The following FHIP2A variants were observed in gnomAD, a reference collection of about 807,000 sequenced individuals.
FHIP2A encodes FHF complex subunit HOOK interacting protein 2A.
In FHIP2A, 46 loss-of-function variants were observed where a neutral mutation model predicts 93.5. That is an observed-to-expected ratio of 0.49 (90% CI 0.39 to 0.63). The LOEUF is 0.63. Among genes scored for constraint, FHIP2A ranks in the 20% least tolerant of loss-of-function variants. FHIP2A has a pLI of 0.00. For synonymous variants in FHIP2A, 332 were observed against 326.5 expected, an observed-to-expected ratio of 1.02 and a Z score of -0.18; for missense variants, 769 against 909.7, an observed-to-expected ratio of 0.85 and a Z score of 1.99.
At chr10:114,838,452 G>T (rs2083649141) in intron 5 of FHIP2A, among the ~76,000 whole-genome samples, 1 of 151,702 alleles carries the variant, frequency 6.6e-6, no homozygotes, top group Non-Finnish European at 1.5e-5. Flanking sequence ...CAAAAGGGCT[G>T]GAACAGTCTT....
chr10:114,885,230 A>G (rs1280070932), intron 16 of FHIP2A, among the ~76,000 whole-genome samples: 1 of 152,004 alleles, frequency 6.6e-6, no homozygotes, highest in African/African-American at 2.4e-5. Flanking sequence ...TCCCGTCTCT[A>G]CTAAAAATAC....
intron 16 of FHIP2A, among the ~76,000 whole-genome samples, chr10:114,890,476 AT>A (rs1219018449): frequency 1.3e-5 from 2 of 148,214 alleles, no homozygotes; most frequent in African/African-American, 4.9e-5. Flanking sequence ...TATATTATAT[AT>A]ACAATATATA....
At chr10:114,831,149 ACAGT>A (rs2083605418) in intron 2 of FHIP2A, among the ~76,000 whole-genome samples, 1 of 152,224 alleles carries the variant, frequency 6.6e-6, no homozygotes, top group South Asian at 2.1e-4. Context: ...GGGGGATAGA[ACAGT>A]CAGTCAAACA....
At chr10:114,838,804 G>A (rs1264734883) in intron 5 of FHIP2A, among the ~76,000 whole-genome samples, 1 of 152,184 alleles carries the variant, frequency 6.6e-6, no homozygotes, top group African/African-American at 2.4e-5. Context: ...TCACTACAGA[G>A]AACACCCCTC....
chr10:114,831,657 A>G (rs907591511), intron 2 of FHIP2A, among the ~76,000 whole-genome samples: 3 of 152,252 alleles, frequency 2.0e-5, no homozygotes, highest in Non-Finnish European at 1.5e-5. Flanking sequence ...ATGAAATGAG[A>G]CATAACATTT....
At chr10:114,889,899 C>T (rs553794253) in intron 16 of FHIP2A, among the ~76,000 whole-genome samples, 28 of 152,348 alleles carry the variant, frequency 1.8e-4, no homozygotes, top group African/African-American at 6.3e-4. Context: ...CAGGGCAACT[C>T]GGGCATGTCC....
intron 3 of FHIP2A, among the ~76,000 whole-genome samples, chr10:114,834,644 TGTGA>T (rs2083626523): frequency 6.6e-6 from 1 of 152,226 alleles, no homozygotes; most frequent in South Asian, 2.1e-4. Flanking sequence ...TAATCTGCAG[TGTGA>T]GTGATCATTG....
At chr10:114,839,600 C>A (rs144576094) in intron 5 of FHIP2A, among the ~76,000 whole-genome samples, 2 of 151,944 alleles carry the variant, frequency 1.3e-5, no homozygotes, top group African/African-American at 4.8e-5. Flanking sequence ...CTTTGCCGGC[C>A]GGGCGCGGTG....
downstream of FHIP2A, among the ~76,000 whole-genome samples, chr10:114,865,818 AAAT>A (rs543443468): frequency 1.2e-3 from 184 of 151,940 alleles, no homozygotes; most frequent in African/African-American, 4.2e-3. Context: ...AAAAAAAAAA[AAAT>A]AGATATAAGC....
At chr10:114,853,112 A>G (rs1201325450) in intron 13 of FHIP2A, among the ~76,000 whole-genome samples, 2 of 152,134 alleles carry the variant, frequency 1.3e-5, no homozygotes, top group East Asian at 1.9e-4. Context: ...CCTTGGGGTT[A>G]TAAGGTAATA....
intron 1 of FHIP2A, among the ~76,000 whole-genome samples, chr10:114,823,333 T>C (rs1291555675): frequency 6.6e-6 from 1 of 152,190 alleles, no homozygotes; most frequent in Non-Finnish European, 1.5e-5. Flanking sequence ...AGAGCAGTAT[T>C]ACACGGAGGG....
intron 16 of FHIP2A, among the ~76,000 whole-genome samples, chr10:114,894,803 TG>T (rs2083992472): frequency 6.7e-6 from 1 of 148,644 alleles, no homozygotes; most frequent in Non-Finnish European, 1.5e-5. Flanking sequence ...ACAAAAAAAC[TG>T]GGAACGACCT....
chr10:114,832,379 T>G (rs1445567604), intron 2 of FHIP2A, among the ~76,000 whole-genome samples: 2 of 152,166 alleles, frequency 1.3e-5, no homozygotes, highest in Admixed American at 1.3e-4. Context: ...CTCATTGTAA[T>G]AGAAGAAAAT....
At position 114,855,246 on chromosome 10, in the gene FHIP2A, CAAAAGCATTGG is replaced by C; in HGVS notation, c.1859_1869del (p.Ala620ValfsTer9). The C allele has an allele frequency of 6.2e-7, 1 of 1,614,010 alleles. No homozygotes were observed. The highest frequency in any genetic ancestry group is 8.5e-7 in the Non-Finnish European group (1 of 1,179,954). On this transcript the variant is annotated frameshift_variant, in exon 14 of 17. Coordinates refer to ENST00000369248, the MANE Select transcript of FHIP2A (RefSeq NM_020940.4). LOFTEE classifies it high-confidence loss of function. The stretch of plus-strand genomic sequence containing the variant: ...TTAAGATGGGAGTGGCCTGGGTCTC[CAAAAGCATTGG>C]AAAAGTGCAATTTAGAAGCTGCTTT...
rs2143013571 is a variant in FHIP2A, at chr10:114,864,283, G to T, written c.*2743G>T. 1.0e-6 allele frequency: 1 copy of T among 984,096 alleles called. No homozygotes were observed. Among genetic ancestry groups the T allele is most frequent in the Non-Finnish European group, 1.2e-6 (1 of 828,334 alleles). 61.0% of individuals were successfully genotyped at this position (984,096 alleles called of 1,614,324 possible). A position where few individuals can be genotyped will look rare whatever the true frequency, so the allele number is the denominator to read the frequency against. Reference sequence around the variant, plus strand: ...TAACATACAATTGCCATTTAATTATGAAGTCCATCAGTATTGACAGAAGAC... The same window carrying T: ...TAACATACAATTGCCATTTAATTATTAAGTCCATCAGTATTGACAGAAGAC... On this transcript the variant is annotated 3_prime_UTR_variant, in exon 17 of 17. Coordinates refer to ENST00000369248, the MANE Select transcript of FHIP2A (RefSeq NM_020940.4).
At chr10:114,880,144 G>A (rs1449644186) in intron 16 of FHIP2A, among the ~76,000 whole-genome samples, 1 of 152,132 alleles carries the variant, frequency 6.6e-6, no homozygotes, top group South Asian at 2.1e-4. Flanking sequence ...TACATGAAAT[G>A]CCCAGAACAG....
rs755529777 is a variant in FHIP2A at position 114,861,277 on chromosome 10, C to T, written c.2135C>T (p.Thr712Ile). Residue 712 changes from threonine to isoleucine, a missense_variant, in exon 16 of 17, where the codon ACT (threonine) becomes ATT (isoleucine). Thr to Ile is a moderately conservative substitution (Grantham distance 89, BLOSUM62 -1). Coordinates refer to ENST00000369248, the MANE Select transcript of FHIP2A (RefSeq NM_020940.4). The stretch of plus-strand genomic sequence containing the variant: ...CGAATCCAGCGTATTCAAGACTTTA[C>T]TCCCAAGCTTCTGTTAGTCAGAAAG... The part of the protein sequence containing the change: ...MLRIQRIQDF[T>I]PKLLLVRKRL... The T allele has an allele frequency of 1.2e-6, 2 of 1,614,172 alleles. No individual in the cohort carries two copies. Among genetic ancestry groups the T allele is most frequent in the Non-Finnish European group, 1.7e-6 (2 of 1,180,020 alleles).
chr10:114,845,316 G>T (rs986188535), intron 7 of FHIP2A, 51 bp from the exon 8 acceptor site: 2 of 1,006,172 alleles, frequency 2.0e-6, no homozygotes, highest in Non-Finnish European at 3.2e-6. Context: ...TCTGAATAGG[G>T]TCCATGCTTT....
intron 16 of FHIP2A, among the ~76,000 whole-genome samples, chr10:114,889,595 C>T (rs929492139): frequency 6.6e-6 from 1 of 152,192 alleles, no homozygotes; most frequent in African/African-American, 2.4e-5. Context: ...GTGGTTAAGC[C>T]ACCTTACCTC....
Sources: gnomAD v4.1 joint callset for allele counts (sites outside exome capture counted in the v4.1 genomes callset) on GRCh38, gnomAD v4.1.1 for gene constraint, MANE v1.5 for transcripts, NCBI Gene and HGNC (gene_info 2026-07-23, HGNC 2026-07-21) for gene names.